CD109: variants seen among roughly 807,000 people sequenced by gnomAD.
CD109 encodes CD109 antigen.
CD109 carries 149 observed loss-of-function variants against 165.8 expected under a neutral mutation model. That is an observed-to-expected ratio of 0.90 (90% CI 0.79 to 1.03). The LOEUF is 1.03. Among genes scored for constraint, CD109 ranks in the 50% least tolerant of loss-of-function variants. The pLI is 0.00. For missense variants in CD109, 1,712 were observed against 1,677.8 expected (o/e 1.02, Z -0.36); for synonymous variants, 585 against 592.1 (o/e 0.99, Z 0.18).
chr6:73,813,604 T>A (rs574316206), intron 29 of CD109, among the ~76,000 whole-genome samples: 7 of 152,196 alleles, frequency 4.6e-5, no homozygotes, highest in Non-Finnish European at 8.8e-5. Flanking sequence ...TTTCTTACAG[T>A]TGATATTTTT....
At chr6:73,763,466 C>T in intron 9 of CD109, 110 bp from the exon 10 acceptor site, 1 of 584,166 alleles carries the variant, frequency 1.7e-6, no homozygotes, top group Admixed American at 3.0e-5. Context: ...GCTTATGTGC[C>T]CTGATATTTT....
chr6:73,751,883 A>G (rs1447080406), intron 5 of CD109, among the ~76,000 whole-genome samples: 1 of 152,186 alleles, frequency 6.6e-6, no homozygotes, highest in African/African-American at 2.4e-5. Context: ...TAAGAGTTAC[A>G]AAACCAGTTT....
At chr6:73,803,158 A>C in intron 23 of CD109, 62 bp from the exon 24 acceptor site, 1 of 1,127,168 alleles carries the variant, frequency 8.9e-7, no homozygotes, top group Non-Finnish European at 1.4e-6. Context: ...AGTCATAATT[A>C]GAAACTTTCA....
chr6:73,694,292 G>A (rs1339964846), upstream of CD109: 1 of 152,182 alleles, frequency 6.6e-6, no homozygotes, highest in Non-Finnish European at 1.5e-5. Flanking sequence ...TGCCAGGCAT[G>A]TAATAGCCTC....
At chr6:73,796,579 A>T (rs1775172719) in intron 23 of CD109, among the ~76,000 whole-genome samples, 1 of 152,174 alleles carries the variant, frequency 6.6e-6, no homozygotes, top group African/African-American at 2.4e-5. Flanking sequence ...GAGCTCTGTG[A>T]CAGTGGGGAC....
intron 4 of CD109, among the ~76,000 whole-genome samples, chr6:73,734,193 C>A (rs1176909979): frequency 3.9e-5 from 6 of 152,282 alleles, no homozygotes; most frequent in African/African-American, 1.4e-4. Flanking sequence ...AGACCTAGGT[C>A]CAAGACAGGC....
At chr6:73,726,897 G>A (rs1204295817) in intron 3 of CD109, among the ~76,000 whole-genome samples, 1 of 152,170 alleles carries the variant, frequency 6.6e-6, no homozygotes, top group South Asian at 2.1e-4. Context: ...CCAGCCCTGT[G>A]CCCTCTGGTC....
intron 23 of CD109, among the ~76,000 whole-genome samples, chr6:73,793,920 A>G (rs1775058848): frequency 6.6e-6 from 1 of 152,170 alleles, no homozygotes; most frequent in Non-Finnish European, 1.5e-5. Context: ...TCCAACTCCT[A>G]ATTTTTTTAG....
At position 73,741,656 on chromosome 6, in the gene CD109, CAT is replaced by C. The variant is rs1326984342; in HGVS notation, c.633+5149_633+5150del. Among the ~76,000 whole-genome samples, 7 of 152,134 alleles carry C rather than the reference CAT, an allele frequency of 4.6e-5. No individual in the cohort carries two copies. In the East Asian group the frequency reaches 1.4e-3, roughly 29 times the overall value. ...TTGACAGTTTTCTCAAATAATTGCACATGGTTTTTTTGTTTTGTTTTGTTTTG... is the reference window on the plus strand; with the variant it reads ...TTGACAGTTTTCTCAAATAATTGCACGGTTTTTTTGTTTTGTTTTGTTTTG... On this transcript the variant is annotated intron_variant, in intron 5 of 32. Coordinates refer to ENST00000287097, the MANE Select transcript of CD109 (RefSeq NM_133493.5).
chr6:73,768,444 T>C (rs1773928182), intron 14 of CD109, among the ~76,000 whole-genome samples: 1 of 152,242 alleles, frequency 6.6e-6, no homozygotes, highest in Non-Finnish European at 1.5e-5. Flanking sequence ...ATTTGTAAAC[T>C]ATGGTTCTGG....
chr6:73,798,228 C>T (rs536963787), intron 23 of CD109, among the ~76,000 whole-genome samples: 25 of 152,074 alleles, frequency 1.6e-4, no homozygotes, highest in South Asian at 6.2e-4. Context: ...GATTCTCCTG[C>T]TTCAGCCTCC....
At chr6:73,695,936 A>C, upstream of CD109, 1 of 431,656 alleles carries the variant, frequency 2.3e-6, no homozygotes, top group Non-Finnish European at 4.2e-6. Flanking sequence ...ACGCCGGGCC[A>C]GGTGGGGCCG....
intron 22 of CD109, among the ~76,000 whole-genome samples, chr6:73,791,592 G>C (rs2150268402): frequency 6.6e-6 from 1 of 152,082 alleles, no homozygotes; most frequent in African/African-American, 2.4e-5. Flanking sequence ...TAATTTTTAT[G>C]CTTGATGTAA....
At chr6:73,820,645 T>C (rs1018331077) in intron 32 of CD109, 82 bp downstream of exon 32, 136 of 843,594 alleles carry the variant, frequency 1.6e-4, no homozygotes, top group Middle Eastern at 6.8e-4. Flanking sequence ...ACACATTGGA[T>C]TGGTTCTGTG....
chr6:73,722,345 T>A (rs1367759865), intron 2 of CD109, among the ~76,000 whole-genome samples: 1 of 152,202 alleles, frequency 6.6e-6, no homozygotes, highest in Non-Finnish European at 1.5e-5. Flanking sequence ...ATTATTAGCA[T>A]CCTCATCTTA....
rs556126542 is a variant in CD109, at chr6:73,766,160, G to T, written c.1332+6G>T. ...CCAGTGAGCTACAGTTGAAGGTGCC[G>T]TCTGTTTCCCATCATTGTGTCACTG... On this transcript the variant is annotated splice_donor_region_variant and intron_variant, in intron 11 of 32. Coordinates refer to ENST00000287097, the MANE Select transcript of CD109 (RefSeq NM_133493.5). 1.3e-5 allele frequency: 21 copies of T among 1,607,620 alleles called. No individual in the cohort carries two copies. The highest frequency in any genetic ancestry group is 1.8e-5 in the Non-Finnish European group (21 of 1,174,420).
chr6:73,755,405 T>G (rs975945025), intron 5 of CD109, among the ~76,000 whole-genome samples: 3 of 152,198 alleles, frequency 2.0e-5, no homozygotes, highest in African/African-American at 7.2e-5. Flanking sequence ...TGTTAGCGTG[T>G]TAGTGGTTCT....
intron 4 of CD109, among the ~76,000 whole-genome samples, chr6:73,732,009 T>C (rs1352322705): frequency 6.6e-6 from 1 of 152,196 alleles, no homozygotes; most frequent in African/African-American, 2.4e-5. Context: ...AGAATCAAGT[T>C]GAAGACAACT....
At chr6:73,815,564 G>GT (rs1006709985) in intron 30 of CD109, among the ~76,000 whole-genome samples, 17 of 151,556 alleles carry the variant, frequency 1.1e-4, no homozygotes, top group South Asian at 2.1e-4. Context: ...CAAGAGGATA[G>GT]TTTTTTTTTA....
Sources: allele counts gnomAD v4.1 joint callset (sites outside exome capture counted in the v4.1 genomes callset), GRCh38; gene constraint gnomAD v4.1.1; transcripts MANE v1.5; gene names NCBI Gene and HGNC (gene_info 2026-07-23, HGNC 2026-07-21).